The following CYP26C1 variants were observed in gnomAD, a reference collection of about 807,000 sequenced individuals.
The protein encoded by CYP26C1 is cytochrome P450 family 26 subfamily C member 1, also known as cytochrome P450 26C1.
A neutral mutation model predicts 39.1 loss-of-function variants in CYP26C1; 41 were observed. That is an observed-to-expected ratio of 1.05 (90% CI 0.82 to 1.36). CYP26C1 has a LOEUF of 1.36. Ranked by LOEUF, CYP26C1 falls within the 40% of genes most tolerant of loss-of-function variation. The pLI is 0.00. For synonymous variants in CYP26C1, 362 were observed against 350.8 expected (o/e 1.03, Z -0.36); for missense variants, 833 against 752.0 (o/e 1.11, Z -1.26).
At position 93,061,091 on chromosome 10, in the gene CYP26C1, C is replaced by G; in HGVS notation, c.-173C>G. 1.5e-6 allele frequency: 1 copy of G among 661,966 alleles called. No individual in the cohort carries two copies. Among genetic ancestry groups the G allele is most frequent in the Non-Finnish European group, 2.5e-6 (1 of 398,312 alleles). 41.0% of individuals were successfully genotyped at this position (661,966 alleles called of 1,614,324 possible). A position where few individuals can be genotyped will look rare whatever the true frequency, so the allele number is the denominator to read the frequency against. Reference sequence around the variant, plus strand: ...CACGGTCACTGCAGTCTTTCACCGTCCGTCTGTTTTTAGAACAGAGTTCTG... The same window carrying G: ...CACGGTCACTGCAGTCTTTCACCGTGCGTCTGTTTTTAGAACAGAGTTCTG... On this transcript the variant is annotated 5_prime_UTR_variant, in exon 1 of 6. Transcript: ENST00000651965.
rs567896671 is a variant in CYP26C1 at position 93,068,678 on chromosome 10, G to A, written c.1550G>A (p.Gly517Glu). Residue 517 changes from glycine to glutamate, a missense_variant, in exon 6 of 6, where the codon GGG becomes GAG. Coordinates refer to ENST00000651965, the MANE Select transcript of CYP26C1 (RefSeq NM_183374.3). ...FFHPLTPSVAGNGLCL is the reference protein window; with the variant it reads ...FFHPLTPSVAENGLCL Reference sequence around the variant, plus strand: ...CACCCCCTCACGCCTTCGGTTGCGGGGAATGGGCTATGCCTCTGACATGCT... The same window carrying A: ...CACCCCCTCACGCCTTCGGTTGCGGAGAATGGGCTATGCCTCTGACATGCT... 3 of 1,573,326 alleles carry A rather than the reference G, an allele frequency of 1.9e-6. No individual in the cohort carries two copies. The highest frequency in any genetic ancestry group is 2.6e-6 in the Non-Finnish European group (3 of 1,156,842).
rs751289824 is a variant in CYP26C1, at chr10:93,066,018, C to T, written c.924C>T (p.Leu308=). The change falls in exon 5 of 6, where the codon CTC becomes CTT. Residue 308 remains leucine (L), a synonymous_variant. Coordinates refer to ENST00000651965, the MANE Select transcript of CYP26C1 (RefSeq NM_183374.3). ...FFTTASASTS[L]VLLLLQHPAA... ...CCACGGCCAGTGCCAGCACCTCGCT[C>T]GTCCTGCTGCTACTGCAGCATCCGG... 6.4e-6 allele frequency: 10 copies of T among 1,572,704 alleles called. No individual in the cohort carries two copies. Among genetic ancestry groups the T allele is most frequent in the African/African-American group, 4.2e-5 (3 of 71,422 alleles).
At chr10:93,064,836 C>A in intron 4 of CYP26C1, 1 of 1,081,568 alleles carries the variant, frequency 9.2e-7, no homozygotes, top group Admixed American at 5.0e-5. Context: ...CCCCACTGCC[C>A]TTCTCTGCCA....
Position 93,066,151 on chromosome 10 carries a change from G to A in CYP26C1, c.1057G>A (p.Gly353Ser). 1 of 1,384,028 alleles carries A rather than the reference G, an allele frequency of 7.2e-7. No individual in the cohort carries two copies. Among genetic ancestry groups the A allele is most frequent in the Non-Finnish European group, 9.4e-7 (1 of 1,069,030 alleles). 85.7% of individuals were successfully genotyped at this position (1,384,028 alleles called of 1,614,324 possible). Residue 353 changes from glycine (G) to serine (S), a missense_variant, in exon 5 of 6, where the codon GGC (glycine) becomes AGC (serine). Transcript: ENST00000651965. ...CAGCGAGGGGCCCCCGCCCGACTGCGGCTGCGAGCCCGACCTCAGCCTCGC... is the reference window on the plus strand; with the variant it reads ...CAGCGAGGGGCCCCCGCCCGACTGCAGCTGCGAGCCCGACCTCAGCCTCGC... ...GGSEGPPPDCGCEPDLSLAAL... is the reference protein window; with the variant it reads ...GGSEGPPPDCSCEPDLSLAAL...
chr10:93,061,316 C>T lies in CYP26C1; in HGVS notation c.53C>T (p.Ala18Val). The T allele has an allele frequency of 6.3e-7, 1 of 1,596,866 alleles. No individual in the cohort carries two copies. The highest frequency in any genetic ancestry group is 8.5e-7 in the Non-Finnish European group (1 of 1,172,850). The change falls in exon 1 of 6, where the codon GCT (alanine) becomes GTT (valine). Residue 18 changes from alanine (A) to valine (V), a missense_variant. Transcript: ENST00000651965. Reference protein sequence around the residue: ...CLSVLGAAGTALLCAGLLLSL... With the variant: ...CLSVLGAAGTVLLCAGLLLSL... The stretch of plus-strand genomic sequence containing the variant: ...TCAGTGCTGGGGGCGGCGGGCACTG[C>T]TCTCCTGTGCGCGGGCCTGCTGCTC...
intron 4 of CYP26C1, among the ~76,000 whole-genome samples, chr10:93,065,164 G>A (rs1418032600): frequency 6.6e-6 from 1 of 152,178 alleles, no homozygotes; most frequent in Non-Finnish European, 1.5e-5. Context: ...AAGTTAGGGG[G>A]AGGGGAAGTT....
chr10:93,062,611 G>A, intron 2 of CYP26C1, 109 bp from the exon 3 acceptor site: 2 of 1,043,012 alleles, frequency 1.9e-6, no homozygotes, highest in Non-Finnish European at 2.6e-6. Flanking sequence ...TTAGGTCTGG[G>A]CCGCTTGGAA....
At chr10:93,061,954 C>A in intron 1 of CYP26C1, 56 bp from the exon 2 acceptor site, 2 of 1,511,680 alleles carry the variant, frequency 1.3e-6, no homozygotes, top group South Asian at 1.2e-5. Context: ...AGGTCTGGGT[C>A]AGATCCCAGC....
intron 5 of CYP26C1, among the ~76,000 whole-genome samples, chr10:93,066,887 T>A (rs1461382684): frequency 6.6e-6 from 1 of 152,256 alleles, no homozygotes; most frequent in Non-Finnish European, 1.5e-5. Flanking sequence ...CTCTTCACTC[T>A]GGGCCTCAGT....
In CYP26C1 at chr10:93,063,012, T is replaced by C. The variant is rs1247653057; in HGVS notation, c.705+17T>C. 2 of 1,527,590 alleles carry C rather than the reference T, an allele frequency of 1.3e-6. No homozygotes were observed. Among genetic ancestry groups the C allele is most frequent in the Non-Finnish European group, 1.8e-6 (2 of 1,139,254 alleles). The allele number at this position is 1,527,590 out of a possible 1,614,324, so 94.6% of individuals were successfully genotyped here. On this transcript the variant is annotated intron_variant, in intron 3 of 5. Transcript: ENST00000651965. ...CTACGCAAGGTACGGCCGCCCCGGC[T>C]CCAGACCTTCCTCCGAGGCTCCGCG... is the stretch of plus-strand genomic sequence containing the variant.
At chr10:93,064,058 C>T in intron 3 of CYP26C1, 1 of 1,128,442 alleles carries the variant, frequency 8.9e-7, no homozygotes, top group Non-Finnish European at 1.1e-6. Context: ...GGCTCTGTGC[C>T]AGGCATGGAC....
At chr10:93,065,039 CTCCTGG>C in intron 4 of CYP26C1, among the ~76,000 whole-genome samples, 1 of 152,282 alleles carries the variant, frequency 6.6e-6, no homozygotes, top group Middle Eastern at 3.4e-3. Context: ...TGCTGTGGAT[CTCCTGG>C]AGAATTAGGA....
intron 3 of CYP26C1, 102 bp from the exon 4 acceptor site, chr10:93,064,279 G>GGAGCTAAGCTGGGAA: frequency 2.0e-6 from 3 of 1,465,280 alleles, no homozygotes; most frequent in Non-Finnish European, 2.7e-6. Context: ...GTTAACACAA[G>GGAGCTAAGCTGGGAA]GATGTTGGCA....
In CYP26C1 at chr10:93,061,003, C is replaced by T; in HGVS notation, c.-261C>T. On this transcript the variant is annotated 5_prime_UTR_variant, in exon 1 of 6. Transcript: ENST00000651965. ...CCTTCGAGAGGGACTGGCATTTGGGCCCAGGAGCCAGGAAAAAGTCCTGAG... is the reference window on the plus strand; with the variant it reads ...CCTTCGAGAGGGACTGGCATTTGGGTCCAGGAGCCAGGAAAAAGTCCTGAG... 1 of 498,494 alleles carries T rather than the reference C, an allele frequency of 2.0e-6. No individual in the cohort carries two copies. The highest frequency in any genetic ancestry group is 3.0e-5 in the South Asian group (1 of 33,460). 30.9% of individuals were successfully genotyped at this position (498,494 alleles called of 1,614,324 possible).
At chr10:93,064,888 C>T in intron 4 of CYP26C1, 4 of 962,668 alleles carry the variant, frequency 4.2e-6, no homozygotes, top group Non-Finnish European at 5.0e-6. Context: ...CTACAAAGCC[C>T]TCATTATTCA....
At position 93,063,008 on chromosome 10, in the gene CYP26C1, C is replaced by CGGCTCCAGACCTTCCTCCGA; in HGVS notation, c.705+20_705+39dup. 1.3e-6 allele frequency: 2 copies of CGGCTCCAGACCTTCCTCCGA among 1,537,530 alleles called. No individual in the cohort carries two copies. Among genetic ancestry groups the CGGCTCCAGACCTTCCTCCGA allele is most frequent in the Non-Finnish European group, 1.7e-6 (2 of 1,143,602 alleles). On this transcript the variant is annotated intron_variant, in intron 3 of 5. Coordinates refer to ENST00000651965, the MANE Select transcript of CYP26C1 (RefSeq NM_183374.3). ...TGGCCTACGCAAGGTACGGCCGCCC[C>CGGCTCCAGACCTTCCTCCGA]GGCTCCAGACCTTCCTCCGAGGCTC...
At chr10:93,061,624 TAC>T (rs1846750523) in intron 1 of CYP26C1, among the ~76,000 whole-genome samples, 157 bp downstream of exon 1, 1 of 28,768 alleles carries the variant, frequency 3.5e-5, no homozygotes, top group South Asian at 1.5e-3. Context: ...TTTACCTAGA[TAC>T]TCCGTTCCCT....
At chr10:93,067,855 A>G (rs906773221) in intron 5 of CYP26C1, among the ~76,000 whole-genome samples, 3 of 152,196 alleles carry the variant, frequency 2.0e-5, no homozygotes, top group African/African-American at 7.2e-5. Context: ...GTTCAATGCA[A>G]AGAAGAGCTC....
In CYP26C1 at chr10:93,062,827, C is replaced by G; in HGVS notation, c.537C>G (p.Val179=). Residue 179 remains valine, a synonymous_variant, in exon 3 of 6, where the codon GTC becomes GTG. Coordinates refer to ENST00000651965, the MANE Select transcript of CYP26C1 (RefSeq NM_183374.3). ...VRSWCAAGGP[V]SVYDASKALT... is the part of the protein sequence containing the mutation. Reference sequence around the variant, plus strand: ...CCTGGTGCGCGGCGGGCGGGCCGGTCTCAGTCTACGACGCCTCCAAAGCGC... The same window carrying G: ...CCTGGTGCGCGGCGGGCGGGCCGGTGTCAGTCTACGACGCCTCCAAAGCGC... 6.3e-7 allele frequency: 1 copy of G among 1,577,194 alleles called. No individual in the cohort carries two copies. The highest frequency in any genetic ancestry group is 8.6e-7 in the Non-Finnish European group (1 of 1,167,668).
Sources: allele counts gnomAD v4.1 joint callset (sites outside exome capture counted in the v4.1 genomes callset), GRCh38; gene constraint gnomAD v4.1.1; transcripts MANE v1.5; gene names NCBI Gene and HGNC (gene_info 2026-07-23, HGNC 2026-07-21).